SLCO1C1: variants seen among roughly 807,000 people sequenced by gnomAD.
The protein encoded by SLCO1C1 is OAT-RP-5.
A neutral mutation model predicts 76.4 loss-of-function variants in SLCO1C1; 70 were observed. The observed-to-expected ratio is 0.92, with a 90% confidence interval of 0.76 to 1.12. The LOEUF is 1.12. Ranked by LOEUF, SLCO1C1 falls within the 50% of genes most tolerant of loss-of-function variation. The pLI is 0.00. For missense variants in SLCO1C1, 912 were observed against 823.8 expected (o/e 1.11, Z -1.31); for synonymous variants, 306 against 286.1 (o/e 1.07, Z -0.70).
intron 8 of SLCO1C1, 56 bp downstream of exon 8, chr12:20,722,105 G>A (rs1260473176): frequency 3.9e-6 from 6 of 1,548,894 alleles, no homozygotes; most frequent in African/African-American, 1.4e-5. Flanking sequence ...GGCTTAAGGA[G>A]ATTTATAAAT....
At position 20,752,418 on chromosome 12, in the gene SLCO1C1, A is replaced by G; in HGVS notation, c.2029A>G (p.Thr677Ala). The G allele has an allele frequency of 6.2e-7, 1 of 1,613,612 alleles. No homozygotes were observed. The highest frequency in any genetic ancestry group is 8.5e-7 in the Non-Finnish European group (1 of 1,179,664). Reference protein sequence around the residue: ...NYVSKHRSFITKRERTMVSTR... With the variant: ...NYVSKHRSFIAKRERTMVSTR... The stretch of plus-strand genomic sequence containing the variant: ...TGTTTCAAAACACAGAAGTTTTATA[A>G]CCAAGAGAGAAAGAACAATGGTGTC... The change falls in exon 15 of 15, where the codon ACC becomes GCC. Residue 677 changes from threonine to alanine, a missense_variant. Physicochemically the swap from Thr to Ala is moderately conservative, Grantham distance 58 (BLOSUM62 0). Transcript: ENST00000266509.
At chr12:20,752,264 G>T (rs77216647) in intron 14 of SLCO1C1, 42 bp from the exon 15 acceptor site, 43 of 1,309,974 alleles carry the variant, frequency 3.3e-5, no homozygotes, top group Non-Finnish European at 4.2e-5. Context: ...CTTTCAAGTT[G>T]GTTGTTGCAT....
Position 20,717,144 on chromosome 12 carries a change from C to T in SLCO1C1, c.689C>T (p.Thr230Met), listed in dbSNP as rs142645342. Residue 230 changes from threonine to methionine, a missense_variant, in exon 7 of 15, where the codon ACG becomes ATG. Physicochemically the swap from Thr to Met is moderately conservative, Grantham distance 81 (BLOSUM62 -1). Coordinates refer to ENST00000266509, the MANE Select transcript of SLCO1C1 (RefSeq NM_017435.5). ...NAAFYIGCVQ[T>M]VAIIGPIFGF... is the part of the protein sequence containing the mutation. ...TTTCTTGGTGCAGGGTGTGTGCAGA[C>T]GGTTGCAATTATAGGACCAATCTTT... 136 of 1,600,636 alleles carry T rather than the reference C, an allele frequency of 8.5e-5. No homozygotes were observed. Among genetic ancestry groups the T allele is most frequent in the South Asian group, 6.9e-4 (61 of 88,162 alleles).
chr12:20,751,360 A>T (rs895636716), intron 14 of SLCO1C1, among the ~76,000 whole-genome samples: 19 of 152,124 alleles, frequency 1.2e-4, no homozygotes, highest in African/African-American at 4.1e-4. Flanking sequence ...GGTATCATTC[A>T]GTTCAGCTCA....
chr12:20,704,798 G>C (rs972747037), intron 3 of SLCO1C1, among the ~76,000 whole-genome samples: 5 of 151,904 alleles, frequency 3.3e-5, no homozygotes, highest in African/African-American at 1.2e-4. Flanking sequence ...CCACCCATTA[G>C]CCATCACAAT....
chr12:20,740,404 A>G, intron 12 of SLCO1C1, 36 bp downstream of exon 12: 1 of 1,555,172 alleles, frequency 6.4e-7, no homozygotes, highest in Non-Finnish European at 8.7e-7. Context: ...ATTTTAACAC[A>G]AGACACAATC....
chr12:20,738,669 C>T (rs1163766991), intron 11 of SLCO1C1, among the ~76,000 whole-genome samples: 4 of 151,960 alleles, frequency 2.6e-5, no homozygotes, highest in Non-Finnish European at 4.4e-5. Context: ...TATTTTTGCT[C>T]ACAGCTGCAT....
intron 9 of SLCO1C1, among the ~76,000 whole-genome samples, chr12:20,732,159 A>G (rs112576575): frequency 0.015 from 2,325 of 152,318 alleles, 25 homozygotes; most frequent in Admixed American, 0.028. Context: ...CAAAAAGATA[A>G]TGTACATCTA....
chr12:20,751,074 C>T (rs1949282514), intron 14 of SLCO1C1, among the ~76,000 whole-genome samples: 1 of 152,058 alleles, frequency 6.6e-6, no homozygotes, highest in Non-Finnish European at 1.5e-5. Context: ...AGTTTATGCA[C>T]ACAAATGGGC....
chr12:20,729,304 T>C (rs1481871673), intron 9 of SLCO1C1, among the ~76,000 whole-genome samples: 3 of 151,992 alleles, frequency 2.0e-5, no homozygotes, highest in African/African-American at 4.8e-5. Flanking sequence ...TTTTTTGGAG[T>C]TGTGTTATAA....
At chr12:20,698,219 A>T (rs1411669846) in intron 1 of SLCO1C1, among the ~76,000 whole-genome samples, 1 of 151,914 alleles carries the variant, frequency 6.6e-6, no homozygotes, top group African/African-American at 2.4e-5. Flanking sequence ...CTTGATTAAC[A>T]TTATTAGCTC....
chr12:20,721,554 C>T (rs537757675), intron 7 of SLCO1C1, among the ~76,000 whole-genome samples: 1 of 150,850 alleles, frequency 6.6e-6, no homozygotes, highest in Non-Finnish European at 1.5e-5. Flanking sequence ...TTTTGTATGC[C>T]CTGGGAAACA....
chr12:20,733,721 C>A (rs150104757), intron 10 of SLCO1C1, among the ~76,000 whole-genome samples: 2 of 152,264 alleles, frequency 1.3e-5, no homozygotes, highest in East Asian at 1.9e-4. Context: ...CATAAAAGTT[C>A]TCTTTAGCTG....
intron 13 of SLCO1C1, 100 bp downstream of exon 13, chr12:20,743,469 T>C (rs1401854349): frequency 1.2e-6 from 1 of 868,210 alleles, no homozygotes; most frequent in Non-Finnish European, 1.8e-6. Context: ...AAATATATGT[T>C]GTAGGTGGCA....
chr12:20,747,432 A>T (rs1164168733), intron 13 of SLCO1C1, among the ~76,000 whole-genome samples: 2 of 117,092 alleles, frequency 1.7e-5, no homozygotes, highest in Admixed American at 1.9e-4. Flanking sequence ...CTGTCTCAAA[A>T]AAAAATAGAG....
chr12:20,752,420 C>G lies in SLCO1C1; in HGVS notation c.2031C>G (p.Thr677=). Residue 677 remains threonine, a synonymous_variant, in exon 15 of 15, where the codon ACC becomes ACG. Coordinates refer to ENST00000266509, the MANE Select transcript of SLCO1C1 (RefSeq NM_017435.5). ...TTTCAAAACACAGAAGTTTTATAAC[C>G]AAGAGAGAAAGAACAATGGTGTCTA... The part of the protein sequence containing the change: ...NYVSKHRSFI[T]KRERTMVSTR... The G allele has an allele frequency of 6.2e-7, 1 of 1,613,030 alleles. No individual in the cohort carries two copies. The highest frequency in any genetic ancestry group is 8.5e-7 in the Non-Finnish European group (1 of 1,179,416).
At chr12:20,741,325 T>A (rs950137308) in intron 12 of SLCO1C1, among the ~76,000 whole-genome samples, 4 of 152,154 alleles carry the variant, frequency 2.6e-5, no homozygotes, top group Admixed American at 6.5e-5. Context: ...TAAACAAATT[T>A]GTAAAAGTAT....
intron 9 of SLCO1C1, among the ~76,000 whole-genome samples, chr12:20,732,547 TC>T (rs974461882): frequency 1.3e-5 from 2 of 152,202 alleles, no homozygotes; most frequent in African/African-American, 2.4e-5. Context: ...AAATAAGTTT[TC>T]TATATTCTAT....
At position 20,700,482 on chromosome 12, in the gene SLCO1C1, G is replaced by C. The variant is rs537831711; in HGVS notation, c.129+777G>C. Among the ~76,000 whole-genome samples, 36 of 149,936 alleles carry C rather than the reference G, an allele frequency of 2.4e-4. No individual in the cohort carries two copies. In the East Asian group the frequency reaches 5.9e-3, roughly 25 times the overall value. On this transcript the variant is annotated intron_variant, in intron 2 of 14. Transcript: ENST00000266509. ...TTAATTATTATACTTTAAGTTCTAG[G>C]GTACATGTGCACACGTGCAGGTTTG...
Sources: allele counts gnomAD v4.1 joint callset (sites outside exome capture counted in the v4.1 genomes callset), GRCh38; gene constraint gnomAD v4.1.1; transcripts MANE v1.5; gene names NCBI Gene and HGNC (gene_info 2026-07-23, HGNC 2026-07-21).